Variants in MMP26 observed in about 807,000 individuals in gnomAD.
MMP26 encodes matrix metallopeptidase 26, also known as matrix metalloproteinase-26.
A neutral mutation model predicts 31.0 loss-of-function variants in MMP26; 33 were observed. That is an observed-to-expected ratio of 1.06 (90% confidence interval 0.81 to 1.42). MMP26 has a LOEUF of 1.42. MMP26 is among the 40% of genes most tolerant of loss of function. The pLI is 0.00. For synonymous variants in MMP26, 122 were observed against 114.9 expected (o/e 1.06, Z -0.40); for missense variants, 347 against 316.1 (o/e 1.10, Z -0.74).
chr11:4,831,408 G>T (rs925874524), intron 2 of MMP26, among the ~76,000 whole-genome samples: 1 of 152,172 alleles, frequency 6.6e-6, no homozygotes, highest in Non-Finnish European at 1.5e-5. Context: ...AGATCTCTCT[G>T]AGGTTTTGAG....
At chr11:4,744,505 TTA>T (rs34761607) in intron 1 of MMP26, among the ~76,000 whole-genome samples, 10,775 of 152,266 alleles carry the variant, frequency 0.071, 549 homozygotes, top group Middle Eastern at 0.16. Context: ...GCCCCTGTAC[TTA>T]CATTCAGTGA....
chr11:4,835,417 A>C (rs1849704831), intron 2 of MMP26, among the ~76,000 whole-genome samples: 1 of 140,912 alleles, frequency 7.1e-6, no homozygotes, highest in South Asian at 2.1e-4. Context: ...TGCTGTTAAG[A>C]AATTTTTTTT....
chr11:4,737,194 CT>C (rs1403103472), intron 1 of MMP26: 3 of 152,198 alleles, frequency 2.0e-5, no homozygotes, highest in Non-Finnish European at 4.4e-5. Context: ...TTTCTAATAA[CT>C]GTAGTCAGAT....
chr11:4,746,512 C>G (rs892841722), intron 1 of MMP26, among the ~76,000 whole-genome samples: 2 of 152,086 alleles, frequency 1.3e-5, no homozygotes, highest in Admixed American at 6.6e-5. Context: ...ACAGTAGGCG[C>G]TAAATACATG....
chr11:4,837,040 G>T (rs1309962791), intron 2 of MMP26, among the ~76,000 whole-genome samples: 3 of 152,010 alleles, frequency 2.0e-5, no homozygotes, highest in African/African-American at 7.3e-5. Flanking sequence ...ACCTGTATTT[G>T]CTTGAGAGTT....
intron 2 of MMP26, among the ~76,000 whole-genome samples, chr11:4,967,786 A>AATATCTTTGT (rs1846616509): frequency 6.6e-6 from 1 of 152,168 alleles, no homozygotes; most frequent in Admixed American, 6.6e-5. Flanking sequence ...ACTATTTTAC[A>AATATCTTTGT]AAGATATAAG....
chr11:4,991,527 ACT>A (rs750134926), intron 6 of MMP26, 31 bp downstream of exon 6: 2 of 1,606,758 alleles, frequency 1.2e-6, no homozygotes, highest in South Asian at 1.1e-5. Flanking sequence ...GATCGCTAGA[ACT>A]CTCTGGGAAC....
intron 2 of MMP26, among the ~76,000 whole-genome samples, chr11:4,874,864 C>G (rs1850358317): frequency 6.6e-6 from 1 of 151,988 alleles, no homozygotes; most frequent in Non-Finnish European, 1.5e-5. Flanking sequence ...CTGTGATTCC[C>G]CATAGATTTA....
intron 2 of MMP26, among the ~76,000 whole-genome samples, chr11:4,891,300 A>T (rs1850618108): frequency 6.6e-6 from 1 of 152,078 alleles, no homozygotes; most frequent in East Asian, 1.9e-4. Context: ...TTCATGACAG[A>T]AGGTGAAGTA....
chr11:4,991,271 T>A, intron 5 of MMP26, 100 bp from the exon 6 acceptor site: 3 of 1,421,146 alleles, frequency 2.1e-6, no homozygotes, highest in Non-Finnish European at 2.9e-6. Context: ...AGTGGTAGAC[T>A]GTTGCACAGT....
At position 4,793,493 on chromosome 11, in the gene MMP26, C is replaced by G. The variant is rs1204832821; in HGVS notation, c.-145+26152C>G. ...ATCCAGAATGTAGGATTATTCTATC[C>G]ATTTTCCTAAGACATTCTATGTCTG... On this transcript the variant is annotated intron_variant, in intron 2 of 7. Coordinates refer to ENST00000380390, the MANE Select transcript of MMP26 (RefSeq NM_021801.5). Among the ~76,000 whole-genome samples, 5 of 152,124 alleles carry G rather than the reference C, an allele frequency of 3.3e-5. No homozygotes were observed. The East Asian group carries it at 9.6e-4, about 29-fold the overall frequency.
At chr11:4,942,038 T>C (rs1028708378) in intron 2 of MMP26, among the ~76,000 whole-genome samples, 2 of 132,174 alleles carry the variant, frequency 1.5e-5, no homozygotes, top group African/African-American at 5.8e-5. Context: ...TGAGTCAAGA[T>C]CGTGCCACTG....
intron 2 of MMP26, among the ~76,000 whole-genome samples, chr11:4,819,647 T>C (rs1171659405): frequency 7.2e-6 from 1 of 138,596 alleles, no homozygotes; most frequent in East Asian, 2.3e-4. Flanking sequence ...GACACATTCA[T>C]GACTCACTGC....
intron 2 of MMP26, among the ~76,000 whole-genome samples, chr11:4,786,493 C>T (rs1164926057): frequency 1.7e-5 from 1 of 60,352 alleles, no homozygotes; most frequent in Non-Finnish European, 3.0e-5. Flanking sequence ...TCTGCTGATC[C>T]TTTTTTTTTT....
chr11:4,987,843 T>G (rs1022581454), intron 2 of MMP26, among the ~76,000 whole-genome samples: 1 of 152,200 alleles, frequency 6.6e-6, no homozygotes, highest in Non-Finnish European at 1.5e-5. Flanking sequence ...TGACTGGTAA[T>G]TATTCTATAG....
intron 2 of MMP26, among the ~76,000 whole-genome samples, chr11:4,784,223 C>G (rs548701614): frequency 2.6e-5 from 4 of 152,176 alleles, no homozygotes; most frequent in African/African-American, 9.7e-5. Context: ...GTGATCAGAA[C>G]ACATACATGT....
intron 2 of MMP26, among the ~76,000 whole-genome samples, chr11:4,780,145 G>A (rs1167202978): frequency 6.6e-6 from 1 of 152,020 alleles, no homozygotes; most frequent in South Asian, 2.1e-4. Flanking sequence ...TACAAATATT[G>A]TTATTGTAAA....
chr11:4,917,996 T>A (rs776656515), intron 2 of MMP26, among the ~76,000 whole-genome samples: 1 of 150,794 alleles, frequency 6.6e-6, no homozygotes, highest in African/African-American at 2.4e-5. Context: ...AATAGGATGG[T>A]GAAGAAGAAA....
intron 2 of MMP26, among the ~76,000 whole-genome samples, chr11:4,957,000 A>G (rs1457203260): frequency 6.6e-6 from 1 of 152,226 alleles, no homozygotes; most frequent in Non-Finnish European, 1.5e-5. Flanking sequence ...ACTGATGAAG[A>G]AAATTTTTCT....
Sources: allele counts gnomAD v4.1 joint callset (sites outside exome capture counted in the v4.1 genomes callset), GRCh38; gene constraint gnomAD v4.1.1; transcripts MANE v1.5; gene names NCBI Gene and HGNC (gene_info 2026-07-23, HGNC 2026-07-21).